Variants in RASGRP3 observed in about 807,000 individuals in gnomAD.
RASGRP3 encodes the protein RAS guanyl releasing protein 3, also known as ras guanyl-releasing protein 3.
In RASGRP3, 54 loss-of-function variants were observed where a neutral mutation model predicts 82.7. The observed-to-expected ratio is 0.65, with a 90% confidence interval of 0.52 to 0.82. RASGRP3 has a LOEUF of 0.82. Ranked by LOEUF, RASGRP3 falls within the 40% of genes least tolerant of loss-of-function variation. The pLI is 0.00. For synonymous variants in RASGRP3, 309 were observed against 300.5 expected, an observed-to-expected ratio of 1.03 and a Z score of -0.29; for missense variants, 861 against 828.9, an observed-to-expected ratio of 1.04 and a Z score of -0.48.
At chr2:33,496,608 C>A (rs1395666014) in intron 1 of RASGRP3, among the ~76,000 whole-genome samples, 3 of 152,200 alleles carry the variant, frequency 2.0e-5, no homozygotes, top group African/African-American at 7.2e-5. Flanking sequence ...GTAATCCCAG[C>A]ACTTTGGGAG....
Position 33,558,315 on chromosome 2 carries a change from G to A in RASGRP3, c.1684G>A (p.Gly562Arg), listed in dbSNP as rs1676247196. Residue 562 changes from glycine to arginine, a missense_variant, in exon 16 of 18, where the codon GGA (glycine) becomes AGA (arginine). Physicochemically the swap from Gly to Arg is moderately radical, Grantham distance 125. Transcript: ENST00000403687. Reference sequence around the variant, plus strand: ...GAGCAGTGGTCATGGGTCACTGCCTGGAAGCCCCTCGCTGCCCCCAGGTAA... The same window carrying A: ...GAGCAGTGGTCATGGGTCACTGCCTAGAAGCCCCTCGCTGCCCCCAGGTAA... ...SLSSGHGSLP[G>R]SPSLPPAQDE... is the part of the protein sequence containing the mutation. 5 of 1,613,584 alleles carry A rather than the reference G, an allele frequency of 3.1e-6. No homozygotes were observed. Among genetic ancestry groups the A allele is most frequent in the South Asian group, 1.1e-5 (1 of 91,026 alleles).
At chr2:33,561,038 A>G (rs551471322) in intron 17 of RASGRP3, among the ~76,000 whole-genome samples, 2 of 151,718 alleles carry the variant, frequency 1.3e-5, no homozygotes, top group East Asian at 1.9e-4. Context: ...ATGCTCTCTT[A>G]TCCTTTCTGT....
intron 1 of RASGRP3, among the ~76,000 whole-genome samples, chr2:33,442,008 T>A (rs1665250156): frequency 6.6e-6 from 1 of 152,168 alleles, no homozygotes; most frequent in Non-Finnish European, 1.5e-5. Flanking sequence ...TCATAGTAAA[T>A]GTTAAGTGAA....
At chr2:33,532,023 G>A (rs915011668) in intron 10 of RASGRP3, 1 of 150,848 alleles carries the variant, frequency 6.6e-6, no homozygotes, top group Non-Finnish European at 1.5e-5. Flanking sequence ...TTCACAGTGC[G>A]AGGCTTCAAG....
At chr2:33,479,068 A>G (rs974738519) in intron 1 of RASGRP3, among the ~76,000 whole-genome samples, 1 of 152,248 alleles carries the variant, frequency 6.6e-6, no homozygotes. Context: ...ATTAAAAAAT[A>G]AAAGTGGAAT....
chr2:33,508,683 C>G (rs934495404), intron 1 of RASGRP3, among the ~76,000 whole-genome samples: 4 of 152,156 alleles, frequency 2.6e-5, no homozygotes, highest in Non-Finnish European at 5.9e-5. Context: ...GTACAAAAGC[C>G]ATTGTGAAAA....
intron 17 of RASGRP3, chr2:33,559,511 T>C (rs1037269834): frequency 2.3e-6 from 1 of 439,512 alleles, no homozygotes; most frequent in Admixed American, 2.5e-5. Flanking sequence ...GAATCAGAGA[T>C]ACGAGGCCCT....
intron 2 of RASGRP3, among the ~76,000 whole-genome samples, chr2:33,458,848 G>A (rs1666189206): frequency 6.6e-6 from 1 of 152,134 alleles, no homozygotes; most frequent in Non-Finnish European, 1.5e-5. Context: ...TACCCACTCG[G>A]CAGTTGATTC....
intron 1 of RASGRP3, among the ~76,000 whole-genome samples, chr2:33,495,398 G>C (rs889107690): frequency 3.3e-5 from 5 of 152,152 alleles, no homozygotes; most frequent in Non-Finnish European, 7.3e-5. Context: ...TTGTGGTCCT[G>C]TGAGAATCTA....
chr2:33,493,673 G>A (rs952294004), intron 1 of RASGRP3, among the ~76,000 whole-genome samples: 3 of 151,760 alleles, frequency 2.0e-5, no homozygotes, highest in Non-Finnish European at 2.9e-5. Context: ...AGACCTGCTT[G>A]AGATGCCCGG....
intron 1 of RASGRP3, among the ~76,000 whole-genome samples, chr2:33,488,080 A>C (rs6736350): frequency 0.11 from 16,789 of 152,286 alleles, 947 homozygotes; most frequent in Middle Eastern, 0.15. Flanking sequence ...AGAAAGATTA[A>C]CACAATTCAT....
At chr2:33,548,959 G>C (rs747579718) in intron 13 of RASGRP3, among the ~76,000 whole-genome samples, 5 of 152,120 alleles carry the variant, frequency 3.3e-5, no homozygotes, top group Non-Finnish European at 7.4e-5. Flanking sequence ...AAAGTGCTAG[G>C]ATTACAGGCA....
chr2:33,518,145 T>C (rs1671637948), intron 4 of RASGRP3, among the ~76,000 whole-genome samples: 1 of 152,232 alleles, frequency 6.6e-6, no homozygotes, highest in African/African-American at 2.4e-5. Context: ...GATGATTTCA[T>C]GATTGTGCAA....
chr2:33,479,798 A>G (rs1260836832), intron 1 of RASGRP3, among the ~76,000 whole-genome samples: 1 of 152,108 alleles, frequency 6.6e-6, no homozygotes, highest in African/African-American at 2.4e-5. Flanking sequence ...GAATCCTTTT[A>G]AAAATGTCAT....
upstream of RASGRP3, among the ~76,000 whole-genome samples, chr2:33,474,063 C>T (rs993210227): frequency 1.3e-5 from 2 of 152,100 alleles, no homozygotes; most frequent in Non-Finnish European, 2.9e-5. Flanking sequence ...GATGGTCATG[C>T]TCCCTTGACT....
chr2:33,536,069 G>T (rs1172612246), intron 11 of RASGRP3, among the ~76,000 whole-genome samples: 1 of 152,044 alleles, frequency 6.6e-6, no homozygotes, highest in Non-Finnish European at 1.5e-5. Context: ...TTGGGAGGCC[G>T]AGGCAGGCAG....
At chr2:33,502,501 CTTTTTTTTTTTT>C (rs3083004) in intron 1 of RASGRP3, among the ~76,000 whole-genome samples, 3 of 135,756 alleles carry the variant, frequency 2.2e-5, no homozygotes, top group South Asian at 4.6e-4. Context: ...TTTTTTCTTT[CTTTTTTTTTTTT>C]TTGAGATGGA....
Position 33,563,800 on chromosome 2 carries a change from G to A in RASGRP3, c.*1063G>A, listed in dbSNP as rs1242849515. 6.6e-6 allele frequency: 1 copy of A among 152,044 alleles called. No individual in the cohort carries two copies. The highest frequency in any genetic ancestry group is 1.5e-5 in the Non-Finnish European group (1 of 68,012). The allele number at this position is 152,044 out of a possible 1,614,324, so 9.4% of individuals were successfully genotyped here. A position where few individuals can be genotyped will look rare whatever the true frequency, so the allele number is the denominator to read the frequency against. On this transcript the variant is annotated 3_prime_UTR_variant, in exon 18 of 18. Transcript: ENST00000403687. ...AAGAAAATAATCATAAATCATATTTGATTAACATTTCATTTAAGCTTTTAA... is the reference window on the plus strand; with the variant it reads ...AAGAAAATAATCATAAATCATATTTAATTAACATTTCATTTAAGCTTTTAA...
At chr2:33,543,390 C>T in intron 12 of RASGRP3, 122 bp from the exon 13 acceptor site, 2 of 608,958 alleles carry the variant, frequency 3.3e-6, no homozygotes, top group East Asian at 2.9e-5. Context: ...ACTTAGTTAT[C>T]TTTCACTAGA....
Sources: allele counts gnomAD v4.1 joint callset (sites outside exome capture counted in the v4.1 genomes callset), GRCh38; gene constraint gnomAD v4.1.1; transcripts MANE v1.5; gene names NCBI Gene and HGNC (gene_info 2026-07-23, HGNC 2026-07-21).